The following BID variants were observed in gnomAD, a reference collection of about 807,000 sequenced individuals.
BID encodes the protein BH3 interacting domain death agonist.
In BID, 19 loss-of-function variants were observed where a neutral mutation model predicts 17.4. The ratio of observed to expected loss-of-function variants is 1.09; its 90% CI spans 0.76 to 1.60. The LOEUF (loss-of-function observed/expected upper bound fraction) is 1.60, where lower values mean the gene tolerates loss of function less well. Ranked by LOEUF, BID falls within the 40% of genes most tolerant of loss-of-function variation. BID has a pLI of 0.00. For synonymous variants in BID, 108 were observed against 102.8 expected (o/e 1.05, Z -0.31); for missense variants, 226 against 256.0 (o/e 0.88, Z 0.80).
intron 1 of BID, among the ~76,000 whole-genome samples, chr22:17,761,770 T>A (rs1480478659): frequency 6.6e-6 from 1 of 152,088 alleles, no homozygotes; most frequent in Non-Finnish European, 1.5e-5. Context: ...CATTAATGAG[T>A]AAACAAAGAA....
chr22:17,746,971 T>C (rs918971436), intron 2 of BID, among the ~76,000 whole-genome samples: 4 of 152,210 alleles, frequency 2.6e-5, no homozygotes, highest in African/African-American at 9.6e-5. Context: ...TGACCTGCGC[T>C]TGGTAAATTG....
At position 17,773,411 on chromosome 22, in the gene BID, T is replaced by G. The variant is rs2061734961; in HGVS notation, c.-59+970A>C. 6.6e-6 allele frequency among the ~76,000 whole-genome samples: 1 copy of G among 151,938 alleles called. No homozygotes were observed. The highest frequency in any genetic ancestry group is 1.5e-5 in the Non-Finnish European group (1 of 67,978). On this transcript the variant is annotated intron_variant, in intron 1 of 5. Transcript: ENST00000622694. The surrounding 1 kb of genome is among the most constrained non-coding windows in gnomAD (Gnocchi z 4.4). ...AAGCCTCCTGTGGGTGGAGATGGAATGTGGAAAAACCGCATCCTCTGCAGC... is the reference window on the plus strand; with the variant it reads ...AAGCCTCCTGTGGGTGGAGATGGAAGGTGGAAAAACCGCATCCTCTGCAGC...
intron 1 of BID, among the ~76,000 whole-genome samples, chr22:17,754,047 T>A (rs1279998276): frequency 6.7e-6 from 1 of 148,690 alleles, no homozygotes; most frequent in Non-Finnish European, 1.5e-5. Flanking sequence ...GGGGTGACAT[T>A]CCCCCAGTCT....
At chr22:17,768,306 C>T (rs534012262) in intron 1 of BID, among the ~76,000 whole-genome samples, 3 of 152,348 alleles carry the variant, frequency 2.0e-5, no homozygotes, top group South Asian at 2.1e-4. Flanking sequence ...CAGGAGGAGA[C>T]ATGAGGAGGC....
intron 1 of BID, among the ~76,000 whole-genome samples, chr22:17,761,835 T>C (rs1330457099): frequency 1.3e-5 from 2 of 152,228 alleles, no homozygotes; most frequent in Non-Finnish European, 2.9e-5. Flanking sequence ...AATTCATTGC[T>C]GCTTTTCAGA....
Position 17,746,057 on chromosome 22 carries a change from C to A in BID, c.13-2044G>T, listed in dbSNP as rs190060776. 2.6e-5 allele frequency among the ~76,000 whole-genome samples: 4 copies of A among 152,138 alleles called. No individual in the cohort carries two copies. The East Asian group carries it at 7.7e-4, about 29-fold the overall frequency. Reference sequence around the variant, plus strand: ...CTGCAGCCATAAAAAAGAATAAAATCATGTCCTCTGCAGCAACACGGATGG... The same window carrying A: ...CTGCAGCCATAAAAAAGAATAAAATAATGTCCTCTGCAGCAACACGGATGG... On this transcript the variant is annotated intron_variant, in intron 2 of 5. Coordinates refer to ENST00000622694, the MANE Select transcript of BID (RefSeq NM_001196.4).
At chr22:17,774,101 A>C in intron 1 of BID, 1 of 223,406 alleles carries the variant, frequency 4.5e-6, no homozygotes, top group Non-Finnish European at 9.0e-6. Flanking sequence ...AGAGGACACA[A>C]CAAAGCCTTC....
chr22:17,735,364 C>G lies in BID; in HGVS notation c.*216G>C. On this transcript the variant is annotated 3_prime_UTR_variant, in exon 6 of 6. Transcript: ENST00000622694. Reference sequence around the variant, plus strand: ...GGATGATATGAAGGCCATTCAAATACGTGTAAATGGACATTTTCATTCAAG... The same window carrying G: ...GGATGATATGAAGGCCATTCAAATAGGTGTAAATGGACATTTTCATTCAAG... 1.7e-6 allele frequency: 1 copy of G among 581,278 alleles called. No homozygotes were observed. Among genetic ancestry groups the G allele is most frequent in the South Asian group, 2.2e-5 (1 of 46,438 alleles). 36.0% of individuals were successfully genotyped at this position (581,278 alleles called of 1,614,324 possible).
At chr22:17,749,884 A>G (rs1329512474) in intron 2 of BID, among the ~76,000 whole-genome samples, 1 of 152,200 alleles carries the variant, frequency 6.6e-6, no homozygotes, top group East Asian at 1.9e-4. Context: ...GGGCTGCACC[A>G]CAAGCGGAGT....
rs1277455472 is a variant in BID, at chr22:17,736,227, G to A, written c.577-636C>T. On this transcript the variant is annotated intron_variant, in intron 5 of 5. Transcript: ENST00000622694. The stretch of plus-strand genomic sequence containing the variant: ...TGTAATCCCAGCACTTTGGGAGGCC[G>A]AGGTGGGCGGATCACCTGAGGTTGG... 2.0e-5 allele frequency among the ~76,000 whole-genome samples: 3 copies of A among 152,090 alleles called. No homozygotes were observed. The East Asian group carries it at 5.8e-4, about 29-fold the overall frequency.
chr22:17,744,008 G>GT lies in BID; in HGVS notation c.17dup (p.Asn6LysfsTer9), dbSNP rs779396721. The GT allele has an allele frequency of 5.6e-6, 9 of 1,613,408 alleles. No homozygotes were observed. Among genetic ancestry groups the GT allele is most frequent in the Non-Finnish European group, 5.9e-6 (7 of 1,179,710 alleles). On this transcript the variant is annotated frameshift_variant, in exon 3 of 6. Coordinates refer to ENST00000622694, the MANE Select transcript of BID (RefSeq NM_001196.4). LOFTEE classifies it high-confidence loss of function. ...ACTCATCCCTGAGGCTGGAACCGTT[G>GT]TTGACCTGAGGGGAAAGGGGAGTCA...
In BID at chr22:17,738,124, T is replaced by C. The variant is rs766369895; in HGVS notation, c.469A>G (p.Lys157Glu). The C allele has an allele frequency of 2.5e-6, 4 of 1,613,990 alleles. No individual in the cohort carries two copies. The highest frequency in any genetic ancestry group is 2.2e-5 in the South Asian group (2 of 91,080). Reference sequence around the variant, plus strand: ...GACGGCGTGTGACTGGCCACCTTCTTGGCCAGCAGCAGGGCCAGCACCAGC... The same window carrying C: ...GACGGCGTGTGACTGGCCACCTTCTCGGCCAGCAGCAGGGCCAGCACCAGC... ...TMLVLALLLAKKVASHTPSLL... is the reference protein window; with the variant it reads ...TMLVLALLLAEKVASHTPSLL... Residue 157 changes from lysine (K) to glutamate (E), a missense_variant, in exon 5 of 6, where the codon AAG becomes GAG. Transcript: ENST00000622694.
At chr22:17,756,471 CTT>C (rs1569047846) in intron 1 of BID, among the ~76,000 whole-genome samples, 234 of 102,220 alleles carry the variant, frequency 2.3e-3, no homozygotes, top group African/African-American at 7.5e-3. Flanking sequence ...TTCTTTCTTT[CTT>C]TCTTTTCTTT....
intron 3 of BID, among the ~76,000 whole-genome samples, chr22:17,743,586 AAC>A (rs2061475212): frequency 6.6e-6 from 1 of 152,242 alleles, no homozygotes; most frequent in Non-Finnish European, 1.5e-5. Context: ...AGAACTTTCT[AAC>A]AGAGTCACCC....
At chr22:17,768,497 C>T (rs2061694469) in intron 1 of BID, among the ~76,000 whole-genome samples, 1 of 152,218 alleles carries the variant, frequency 6.6e-6, no homozygotes, top group Non-Finnish European at 1.5e-5. Flanking sequence ...GGCAGGTGTC[C>T]CTCAGCTACT....
rs769273022 is a variant in BID, at chr22:17,735,508, T to C, written c.*72A>G. The C allele has an allele frequency of 1.3e-6, 2 of 1,592,442 alleles. No homozygotes were observed. The highest frequency in any genetic ancestry group is 1.7e-5 in the Admixed American group (1 of 59,908). On this transcript the variant is annotated 3_prime_UTR_variant, in exon 6 of 6. Coordinates refer to ENST00000622694, the MANE Select transcript of BID (RefSeq NM_001196.4). ...ACGCTGTTGACATGCCAGGGCTCCG[T>C]CTACACTGGAAGCAGCTATACAGCT...
intron 1 of BID, among the ~76,000 whole-genome samples, chr22:17,759,246 C>CAAAAAAAAA: frequency 8.7e-6 from 1 of 114,808 alleles, no homozygotes; most frequent in East Asian, 2.2e-4. Context: ...AAAAACAAAA[C>CAAAAAAAAA]AAAAAAAAAA....
chr22:17,764,973 C>T (rs1479234092), intron 1 of BID, among the ~76,000 whole-genome samples: 1 of 152,206 alleles, frequency 6.6e-6, no homozygotes, highest in Non-Finnish European at 1.5e-5. Flanking sequence ...TCCCCAACAA[C>T]ATCCTAAGTA....
At chr22:17,763,645 G>A (rs958644933) in intron 1 of BID, among the ~76,000 whole-genome samples, 42 of 152,042 alleles carry the variant, frequency 2.8e-4, no homozygotes, top group African/African-American at 9.9e-4. Context: ...GACGCCTGTG[G>A]GCACACACAC....
Sources: allele counts gnomAD v4.1 joint callset (sites outside exome capture counted in the v4.1 genomes callset), GRCh38; gene constraint gnomAD v4.1.1; non-coding constraint Gnocchi (gnomAD v3.1); transcripts MANE v1.5; gene names NCBI Gene and HGNC (gene_info 2026-07-23, HGNC 2026-07-21).